Variants in CTNNA2 observed in about 807,000 individuals in gnomAD.
CTNNA2 encodes the protein catenin alpha 2.
A neutral mutation model predicts 101.0 loss-of-function variants in CTNNA2; 42 were observed. That is an observed-to-expected ratio of 0.42 (90% confidence interval 0.32 to 0.54). CTNNA2 has a LOEUF of 0.54. CTNNA2 is among the 20% of genes least tolerant of loss of function. The pLI, the probability that CTNNA2 is intolerant of heterozygous loss-of-function variation, is 0.14. For missense variants in CTNNA2, 871 were observed against 1,223.1 expected, an observed-to-expected ratio of 0.71 and a Z score of 4.29; for synonymous variants, 450 against 456.4, an observed-to-expected ratio of 0.99 and a Z score of 0.18.
At chr2:80,349,737 C>T (rs1452484942) in intron 7 of CTNNA2, among the ~76,000 whole-genome samples, 1 of 152,032 alleles carries the variant, frequency 6.6e-6, no homozygotes, top group East Asian at 1.9e-4. Flanking sequence ...TTAGGCTGGT[C>T]TTGAATTGTT....
intron 7 of CTNNA2, among the ~76,000 whole-genome samples, chr2:80,192,632 T>C (rs927931618): frequency 2.6e-5 from 4 of 152,136 alleles, no homozygotes; most frequent in Non-Finnish European, 4.4e-5. Flanking sequence ...GTTCAAGCGA[T>C]TCTCCTGCCT....
intron 7 of CTNNA2, among the ~76,000 whole-genome samples, chr2:80,093,822 G>C (rs534237667): frequency 1.1e-3 from 164 of 151,978 alleles, no homozygotes; most frequent in Non-Finnish European, 2.0e-3. Flanking sequence ...AGTGTCTGTT[G>C]ATATCCTTCA....
Position 80,426,822 on chromosome 2 carries a change from C to A in CTNNA2, c.1290+7221C>A, listed in dbSNP as rs370392965. 8.6e-5 allele frequency among the ~76,000 whole-genome samples: 13 copies of A among 151,994 alleles called. No homozygotes were observed. The South Asian group carries it at 1.7e-3, about 19-fold the overall frequency. On this transcript the variant is annotated intron_variant, in intron 9 of 18. Transcript: ENST00000402739. ...GTGTCATACTCCCTCCCATCCTAGA[C>A]CTATGCTTGTGTTGTTTGTTTCCTG...
At position 79,871,702 on chromosome 2, in the gene CTNNA2, TGCTTCATCA is replaced by T. The variant is rs1682593888; in HGVS notation, c.585+1770_585+1778del. ...TCTCACAGTGACACATTCAAAATAA[TGCTTCATCA>T]GCCTTCTAGATACCCCTCAATCCAG... On this transcript the variant is annotated intron_variant, in intron 5 of 18. Coordinates refer to ENST00000402739, the MANE Select transcript of CTNNA2 (RefSeq NM_001282597.3). Among the ~76,000 whole-genome samples the T allele has an allele frequency of 2.0e-5, 3 of 152,168 alleles. No individual in the cohort carries two copies. In the South Asian group the frequency reaches 6.2e-4, roughly 32 times the overall value.
chr2:80,248,379 T>C (rs960565388), intron 7 of CTNNA2, among the ~76,000 whole-genome samples: 1 of 152,214 alleles, frequency 6.6e-6, no homozygotes, highest in African/African-American at 2.4e-5. Context: ...AGAACTGTTA[T>C]TTGTCTGTTG....
chr2:80,506,897 A>G (rs1688319364), intron 9 of CTNNA2, among the ~76,000 whole-genome samples: 1 of 152,198 alleles, frequency 6.6e-6, no homozygotes, highest in Non-Finnish European at 1.5e-5. Flanking sequence ...TGCCTATGTG[A>G]CCTTTGCAAA....
At chr2:79,347,740 C>G (rs2104435387) in intron 3 of CTNNA2, among the ~76,000 whole-genome samples, 1 of 151,150 alleles carries the variant, frequency 6.6e-6, no homozygotes, top group Non-Finnish European at 1.5e-5. Context: ...CTCTAAAATA[C>G]TCGGAAAAAT....
chr2:79,929,898 T>C (rs1687272534), intron 7 of CTNNA2, among the ~76,000 whole-genome samples: 1 of 152,114 alleles, frequency 6.6e-6, no homozygotes, highest in Non-Finnish European at 1.5e-5. Flanking sequence ...AACCTGGCTA[T>C]GATTTAGCAA....
intron 2 of CTNNA2, among the ~76,000 whole-genome samples, chr2:79,202,450 C>T (rs1354290931): frequency 6.6e-6 from 1 of 152,006 alleles, no homozygotes; most frequent in Non-Finnish European, 1.5e-5. Context: ...TCAAGTGATC[C>T]TTCCACCTCA....
intron 7 of CTNNA2, among the ~76,000 whole-genome samples, chr2:80,103,003 G>T (rs754109631): frequency 2.0e-4 from 31 of 152,280 alleles, no homozygotes; most frequent in Non-Finnish European, 3.4e-4. Context: ...GTCCCAGTGA[G>T]TGAGGTCGGA....
chr2:80,476,484 G>A (rs1419734807), intron 9 of CTNNA2, among the ~76,000 whole-genome samples: 1 of 152,120 alleles, frequency 6.6e-6, no homozygotes, highest in Non-Finnish European at 1.5e-5. Flanking sequence ...AGTGACAGAA[G>A]TAACATAGCA....
At chr2:79,369,940 A>G (rs1677833934) in intron 3 of CTNNA2, among the ~76,000 whole-genome samples, 1 of 152,204 alleles carries the variant, frequency 6.6e-6, no homozygotes, top group South Asian at 2.1e-4. Context: ...TTTGCATATT[A>G]TCTACAAGGT....
At chr2:79,855,654 C>G (rs1163918291) in intron 3 of CTNNA2, among the ~76,000 whole-genome samples, 1 of 152,208 alleles carries the variant, frequency 6.6e-6, no homozygotes, top group African/African-American at 2.4e-5. Flanking sequence ...ATAGCCCTAC[C>G]TGAGTGACCT....
At chr2:79,742,612 A>G (rs1263486295) in intron 2 of CTNNA2, among the ~76,000 whole-genome samples, 2 of 152,196 alleles carry the variant, frequency 1.3e-5, no homozygotes, top group Non-Finnish European at 2.9e-5. Flanking sequence ...TCTGCACCTC[A>G]GAAAAGCAAT....
intron 1 of CTNNA2, among the ~76,000 whole-genome samples, chr2:79,601,371 G>A (rs1330803885): frequency 6.6e-6 from 1 of 152,200 alleles, no homozygotes; most frequent in Non-Finnish European, 1.5e-5. Context: ...TAGGAGAGCA[G>A]CTTGAGGAGC....
intron 4 of CTNNA2, among the ~76,000 whole-genome samples, chr2:79,429,273 C>T (rs1407226156): frequency 6.6e-6 from 1 of 151,962 alleles, no homozygotes; most frequent in Non-Finnish European, 1.5e-5. Context: ...TCTGTGGAGC[C>T]TGATTTCCCC....
At chr2:79,523,310 G>T (rs1192312160) in intron 1 of CTNNA2, 1 of 440,868 alleles carries the variant, frequency 2.3e-6, no homozygotes, top group Admixed American at 2.4e-5. Context: ...AGAGGTGAAG[G>T]TTTGTGTAGC....
At chr2:79,761,240 C>A (rs1274320245) in intron 3 of CTNNA2, among the ~76,000 whole-genome samples, 1 of 151,920 alleles carries the variant, frequency 6.6e-6, no homozygotes, top group Non-Finnish European at 1.5e-5. Context: ...ACATTTTTTG[C>A]CATTTCAGTG....
At chr2:79,399,268 A>G (rs957784273) in intron 4 of CTNNA2, among the ~76,000 whole-genome samples, 1 of 152,110 alleles carries the variant, frequency 6.6e-6, no homozygotes, top group African/African-American at 2.4e-5. Context: ...AAACTTTGCA[A>G]AGCTTTCACA....
Sources: allele counts gnomAD v4.1 joint callset (sites outside exome capture counted in the v4.1 genomes callset), GRCh38; gene constraint gnomAD v4.1.1; transcripts MANE v1.5; gene names NCBI Gene and HGNC (gene_info 2026-07-23, HGNC 2026-07-21).